Variants in GALNT13 observed in about 807,000 individuals in gnomAD.
GALNT13 encodes polypeptide N-acetylgalactosaminyltransferase 13.
A neutral mutation model predicts 64.2 loss-of-function variants in GALNT13; 28 were observed. The observed-to-expected ratio is 0.44, with a 90% confidence interval of 0.32 to 0.60. GALNT13 has a LOEUF of 0.60. Ranked by LOEUF, GALNT13 falls within the 20% of genes least tolerant of loss-of-function variation. GALNT13 has a pLI of 0.05. For missense variants in GALNT13, 577 were observed against 669.8 expected, an observed-to-expected ratio of 0.86 and a Z score of 1.53; for synonymous variants, 214 against 224.6, an observed-to-expected ratio of 0.95 and a Z score of 0.42.
the GALNT13 span, among the ~76,000 whole-genome samples, chr2:153,425,357 G>A: frequency 6.6e-6 from 1 of 151,590 alleles, no homozygotes; most frequent in African/African-American, 2.4e-5. Flanking sequence ...ATGAAATATT[G>A]TGACTGCTTT....
chr2:153,252,782 A>G, the GALNT13 span, among the ~76,000 whole-genome samples: 2,000 of 152,248 alleles, frequency 0.013, 53 homozygotes, highest in African/African-American at 0.046. Flanking sequence ...TGATAGTTGT[A>G]GATATGTGGC....
intron 2 of GALNT13, among the ~76,000 whole-genome samples, chr2:153,930,221 A>T (rs1480861153): frequency 6.6e-6 from 1 of 152,038 alleles, no homozygotes; most frequent in African/African-American, 2.4e-5. Flanking sequence ...TAAGTTCCTT[A>T]TAGATTCTGA....
At chr2:153,471,943 C>G in the GALNT13 span, among the ~76,000 whole-genome samples, 1 of 152,086 alleles carries the variant, frequency 6.6e-6, no homozygotes, top group African/African-American at 2.4e-5. Context: ...ATGCTCATTT[C>G]TAGTCTGTAG....
chr2:153,212,909 G>T, the GALNT13 span, among the ~76,000 whole-genome samples: 4 of 152,096 alleles, frequency 2.6e-5, no homozygotes, highest in African/African-American at 9.7e-5. Flanking sequence ...ATGTTGCTGT[G>T]TATTAGAAAC....
the GALNT13 span, among the ~76,000 whole-genome samples, chr2:153,849,874 A>T: frequency 6.6e-6 from 1 of 152,050 alleles, no homozygotes; most frequent in Non-Finnish European, 1.5e-5. Context: ...AACCACTAAA[A>T]AGAAAGGCCG....
At chr2:153,825,548 T>A in the GALNT13 span, among the ~76,000 whole-genome samples, 1 of 151,928 alleles carries the variant, frequency 6.6e-6, no homozygotes, top group Non-Finnish European at 1.5e-5. Flanking sequence ...GCCACTTAAG[T>A]TTTTTAGGAA....
chr2:153,937,303 A>T (rs919302175), intron 2 of GALNT13, among the ~76,000 whole-genome samples: 4 of 152,240 alleles, frequency 2.6e-5, no homozygotes, highest in Non-Finnish European at 2.9e-5. Context: ...TTTGGCAATA[A>T]AAAGAAATGA....
chr2:153,590,225 T>C, the GALNT13 span, among the ~76,000 whole-genome samples: 1 of 152,132 alleles, frequency 6.6e-6, no homozygotes, highest in African/African-American at 2.4e-5. Flanking sequence ...ACTTATAAAC[T>C]AGAAAACTTA....
intron 2 of GALNT13, among the ~76,000 whole-genome samples, chr2:153,916,119 C>T (rs1041132765): frequency 2.0e-5 from 3 of 147,992 alleles, no homozygotes; most frequent in Admixed American, 2.0e-4. Flanking sequence ...TTCCTCCCTT[C>T]CTTCCTTCGT....
the GALNT13 span, among the ~76,000 whole-genome samples, chr2:153,526,765 A>G: frequency 2.0e-5 from 3 of 152,220 alleles, no homozygotes; most frequent in Admixed American, 2.0e-4. Flanking sequence ...AATTTAAAAT[A>G]GCTGTTTTGA....
chr2:154,086,523 C>T (rs192498591), intron 3 of GALNT13, among the ~76,000 whole-genome samples: 27 of 151,066 alleles, frequency 1.8e-4, no homozygotes, highest in African/African-American at 6.3e-4. Flanking sequence ...CTTCAGGGTT[C>T]TGTATATCCA....
At chr2:154,122,061 A>T (rs576624365) in intron 3 of GALNT13, among the ~76,000 whole-genome samples, 1 of 152,152 alleles carries the variant, frequency 6.6e-6, no homozygotes, top group African/African-American at 2.4e-5. Context: ...TTTATGGTGA[A>T]TTGCTGTTGG....
intron 3 of GALNT13, among the ~76,000 whole-genome samples, chr2:154,092,116 G>A (rs181901097): frequency 2.2e-4 from 31 of 137,794 alleles, no homozygotes; most frequent in Admixed American, 1.5e-3. Context: ...TAATTTAGTT[G>A]TGTACGCTTG....
chr2:153,705,667 T>C, the GALNT13 span, among the ~76,000 whole-genome samples: 1 of 152,190 alleles, frequency 6.6e-6, no homozygotes, highest in South Asian at 2.1e-4. Flanking sequence ...ACAAATCCAG[T>C]TGCACAAACA....
intron 3 of GALNT13, among the ~76,000 whole-genome samples, chr2:153,959,971 G>C (rs1187884428): frequency 4.6e-5 from 7 of 152,332 alleles, no homozygotes; most frequent in Admixed American, 2.0e-4. Context: ...GCCACAGTGG[G>C]AGGGGCCTGC....
At chr2:153,137,344 C>T in the GALNT13 span, among the ~76,000 whole-genome samples, 5 of 152,036 alleles carry the variant, frequency 3.3e-5, no homozygotes, top group African/African-American at 4.8e-5. Flanking sequence ...CCCAGGAAGG[C>T]AAGTATATCT....
At chr2:154,129,923 T>C (rs1372081627) in intron 3 of GALNT13, among the ~76,000 whole-genome samples, 1 of 152,110 alleles carries the variant, frequency 6.6e-6, no homozygotes, top group African/African-American at 2.4e-5. Flanking sequence ...GCTCATGGTT[T>C]AGTTCAGGTT....
chr2:153,371,889 T>C, the GALNT13 span, among the ~76,000 whole-genome samples: 4 of 152,150 alleles, frequency 2.6e-5, no homozygotes, highest in Admixed American at 6.5e-5. Flanking sequence ...ACTGAAAGCT[T>C]TGTGTGTTTT....
At chr2:153,733,461 T>C in the GALNT13 span, among the ~76,000 whole-genome samples, 3 of 152,288 alleles carry the variant, frequency 2.0e-5, no homozygotes, top group South Asian at 4.1e-4. Context: ...TGTGCCATAG[T>C]GAGAAAAATC....
Sources: gnomAD v4.1 joint callset for allele counts (sites outside exome capture counted in the v4.1 genomes callset) on GRCh38, gnomAD v4.1.1 for gene constraint, MANE v1.5 for transcripts, NCBI Gene and HGNC (gene_info 2026-07-23, HGNC 2026-07-21) for gene names.